Variants in PDCD4 observed in about 807,000 individuals in gnomAD.
PDCD4 encodes programmed cell death protein 4.
Under a neutral mutation model 54.0 loss-of-function variants are expected in PDCD4, and 56 were observed. The observed-to-expected ratio is 1.04, with a 90% confidence interval of 0.84 to 1.30. PDCD4 has a LOEUF of 1.30. Ranked by LOEUF, PDCD4 falls within the 50% of genes most tolerant of loss-of-function variation. PDCD4 has a pLI of 0.00. For missense variants in PDCD4, 584 were observed against 559.8 expected, an observed-to-expected ratio of 1.04 and a Z score of -0.44; for synonymous variants, 186 against 194.8, an observed-to-expected ratio of 0.95 and a Z score of 0.37.
chr10:110,896,153 G>A (rs1845829078), intron 11 of PDCD4, 66 bp downstream of exon 11: 29 of 1,232,048 alleles, frequency 2.4e-5, no homozygotes, highest in Non-Finnish European at 1.7e-5. Flanking sequence ...AAGGTTAACT[G>A]CTAAGTTAGT....
Position 110,890,658 on chromosome 10 carries a change from C to T in PDCD4, c.978C>T (p.His326=). ...GSGGGQQSVN[H]LVKEIDMLLK... Reference sequence around the variant, plus strand: ...GAGGTGGGCAGCAATCTGTCAATCACCTTGTTAAAGAGGTAATGATTGGGT... The same window carrying T: ...GAGGTGGGCAGCAATCTGTCAATCATCTTGTTAAAGAGGTAATGATTGGGT... Residue 326 remains histidine (H), a synonymous_variant, in exon 8 of 12, where the codon CAC becomes CAT. Coordinates refer to ENST00000280154, the MANE Select transcript of PDCD4 (RefSeq NM_014456.5). The T allele has an allele frequency of 6.2e-7, 1 of 1,600,214 alleles. No individual in the cohort carries two copies. The highest frequency in any genetic ancestry group is 8.6e-7 in the Non-Finnish European group (1 of 1,168,182).
At chr10:110,884,553 A>T (rs1252856879) in intron 4 of PDCD4, among the ~76,000 whole-genome samples, 1 of 150,766 alleles carries the variant, frequency 6.6e-6, no homozygotes, top group Admixed American at 6.6e-5. Context: ...TTCCTGCTTC[A>T]TTTTTTTTTA....
chr10:110,896,030 A>G lies in PDCD4; in HGVS notation c.1292A>G (p.Glu431Gly). The G allele has an allele frequency of 6.2e-7, 1 of 1,611,600 alleles. No individual in the cohort carries two copies. Among genetic ancestry groups the G allele is most frequent in the South Asian group, 1.1e-5 (1 of 90,912 alleles). ...TACTCTGTGCTGGAGCGGTTTGTAG[A>G]AGAATGTTTTCAGGCTGGAATAATT... ...HSYSVLERFV[E>G]ECFQAGIISK... The change falls in exon 11 of 12, where the codon GAA becomes GGA. Residue 431 changes from glutamate (E) to glycine (G), a missense_variant. Physicochemically the swap from Glu to Gly is moderately conservative, Grantham distance 98 (BLOSUM62 -2). Coordinates refer to ENST00000280154, the MANE Select transcript of PDCD4 (RefSeq NM_014456.5).
intron 4 of PDCD4, among the ~76,000 whole-genome samples, chr10:110,883,797 T>TA (rs1245091581): frequency 6.6e-6 from 1 of 152,204 alleles, no homozygotes; most frequent in Non-Finnish European, 1.5e-5. Context: ...AGGAAAACGT[T>TA]AAGAGTATGT....
intron 2 of PDCD4, among the ~76,000 whole-genome samples, chr10:110,879,711 A>C (rs987183235): frequency 2.6e-5 from 4 of 151,824 alleles, no homozygotes; most frequent in Admixed American, 6.6e-5. Context: ...CTTTTAAAGG[A>C]TCTTCAGTGA....
At position 110,881,290 on chromosome 10, in the gene PDCD4, A is replaced by G; in HGVS notation, c.101A>G (p.Glu34Gly). Reference sequence around the variant, plus strand: ...GGTGATGAAGAAAATGCTGGGACTGAGGAAATAAAGAATGAAATAAATGGA... The same window carrying G: ...GGTGATGAAGAAAATGCTGGGACTGGGGAAATAAAGAATGAAATAAATGGA... ...FSGDEENAGT[E>G]EIKNEINGNW... Residue 34 changes from glutamate (E) to glycine (G), a missense_variant, in exon 3 of 12, where the codon GAG becomes GGG. Coordinates refer to ENST00000280154, the MANE Select transcript of PDCD4 (RefSeq NM_014456.5). 1 of 1,613,520 alleles carries G rather than the reference A, an allele frequency of 6.2e-7. No individual in the cohort carries two copies. The highest frequency in any genetic ancestry group is 2.2e-5 in the East Asian group (1 of 44,888).
chr10:110,896,026 G>A lies in PDCD4; in HGVS notation c.1288G>A (p.Val430Ile). The A allele has an allele frequency of 6.2e-7, 1 of 1,611,208 alleles. No homozygotes were observed. Among genetic ancestry groups the A allele is most frequent in the Non-Finnish European group, 8.5e-7 (1 of 1,178,020 alleles). Reference sequence around the variant, plus strand: ...TTCATACTCTGTGCTGGAGCGGTTTGTAGAAGAATGTTTTCAGGCTGGAAT... The same window carrying A: ...TTCATACTCTGTGCTGGAGCGGTTTATAGAAGAATGTTTTCAGGCTGGAAT... ...PHSYSVLERF[V>I]EECFQAGIIS... is the part of the protein sequence containing the mutation. The change falls in exon 11 of 12, where the codon GTA (valine) becomes ATA (isoleucine). Residue 430 changes from valine to isoleucine, a missense_variant. Coordinates refer to ENST00000280154, the MANE Select transcript of PDCD4 (RefSeq NM_014456.5).
intron 5 of PDCD4, among the ~76,000 whole-genome samples, chr10:110,887,334 G>C (rs1168383104): frequency 2.0e-5 from 3 of 152,140 alleles, no homozygotes; most frequent in African/African-American, 7.2e-5. Context: ...ACTCTATAAT[G>C]ATTGCACACT....
intron 1 of PDCD4, among the ~76,000 whole-genome samples, chr10:110,872,844 G>T (rs1446943892): frequency 1.3e-5 from 2 of 152,106 alleles, no homozygotes; most frequent in Non-Finnish European, 2.9e-5. Flanking sequence ...ATGCTGTAAC[G>T]TACATGGGGT....
In PDCD4 at chr10:110,887,653, T is replaced by C. The variant is rs759922334; in HGVS notation, c.556-12T>C. 3.5e-5 allele frequency: 56 copies of C among 1,579,188 alleles called. No individual in the cohort carries two copies. Among genetic ancestry groups the C allele is most frequent in the Non-Finnish European group, 4.7e-5 (54 of 1,152,914 alleles). ...CACTTTTAAAATGTTTTTAAATTATTTTTTTGAACAGGAAATGTTAAGAGA... is the reference window on the plus strand; with the variant it reads ...CACTTTTAAAATGTTTTTAAATTATCTTTTTGAACAGGAAATGTTAAGAGA... On this transcript the variant is annotated splice_polypyrimidine_tract_variant and intron_variant, in intron 5 of 11. Coordinates refer to ENST00000280154, the MANE Select transcript of PDCD4 (RefSeq NM_014456.5).
intron 8 of PDCD4, among the ~76,000 whole-genome samples, chr10:110,892,776 A>G (rs1845775480): frequency 6.6e-6 from 1 of 152,200 alleles, no homozygotes; most frequent in South Asian, 2.1e-4. Context: ...TATAAAGTGC[A>G]TAGCCAGTGT....
At chr10:110,876,365 TA>T (rs1845505190) in intron 2 of PDCD4, among the ~76,000 whole-genome samples, 1 of 152,238 alleles carries the variant, frequency 6.6e-6, no homozygotes, top group Non-Finnish European at 1.5e-5. Flanking sequence ...CCATATTTTA[TA>T]AAAACATGAT....
rs1845887443 is a variant in PDCD4 at position 110,898,570 on chromosome 10, T to A, written c.*482T>A. 6.5e-6 allele frequency: 1 copy of A among 152,698 alleles called. No individual in the cohort carries two copies. Among genetic ancestry groups the A allele is most frequent in the Non-Finnish European group, 1.5e-5 (1 of 68,060 alleles). The allele number at this position is 152,698 out of a possible 1,614,324, so 9.5% of individuals were successfully genotyped here. The stretch of plus-strand genomic sequence containing the variant: ...TTATTTCTTTGTCTTAAAGAATTTT[T>A]AAAAAATTAGTCATGAGACTTATTC... On this transcript the variant is annotated 3_prime_UTR_variant, in exon 12 of 12. Transcript: ENST00000280154.
rs779453915 is a variant in PDCD4 at position 110,885,260 on chromosome 10, G to A, written c.449G>A (p.Cys150Tyr). The A allele has an allele frequency of 2.1e-5, 31 of 1,503,986 alleles. No individual in the cohort carries two copies. Among genetic ancestry groups the A allele is most frequent in the Non-Finnish European group, 2.8e-5 (30 of 1,084,444 alleles). 93.2% of individuals were successfully genotyped at this position (1,503,986 alleles called of 1,614,324 possible). Residue 150 changes from cysteine to tyrosine, a missense_variant, in exon 5 of 12, where the codon TGT becomes TAT. Coordinates refer to ENST00000280154, the MANE Select transcript of PDCD4 (RefSeq NM_014456.5). ...DPNYDDDQEN[C>Y]VYETVVLPLD... ...TCCCTTTTCCCCTCAAAGGAGAACT[G>A]TGTTTATGAAACTGTAGTTTTGCCT...
Position 110,894,084 on chromosome 10 carries a change from C to G in PDCD4, c.991-7C>G. 1.3e-6 allele frequency: 2 copies of G among 1,536,404 alleles called. No homozygotes were observed. The highest frequency in any genetic ancestry group is 1.8e-6 in the Non-Finnish European group (2 of 1,111,436). On this transcript the variant is annotated splice_polypyrimidine_tract_variant and splice_region_variant and intron_variant, in intron 8 of 11. Coordinates refer to ENST00000280154, the MANE Select transcript of PDCD4 (RefSeq NM_014456.5). ...TTCTGACACATCTCAACTTTTAAAT[C>G]TAATAGATTGATATGCTGCTGAAAG...
chr10:110,887,637 A>C, intron 5 of PDCD4, 28 bp from the exon 6 acceptor site: 1 of 1,531,976 alleles, frequency 6.5e-7, no homozygotes. Flanking sequence ...ACACTTTTAA[A>C]ATGTTTTTAA....
In PDCD4 at chr10:110,894,413, CTAT is replaced by C; in HGVS notation, c.1104_1106del (p.Ile369del). On this transcript the variant is annotated inframe_deletion and splice_region_variant, in exon 10 of 12. Transcript: ENST00000280154. ...TTCACTCATTGATTCAATTTTTAGG[CTAT>C]TATAATGGTTTTAGAGTCAACTGGA... 6.9e-7 allele frequency: 1 copy of C among 1,459,250 alleles called. No homozygotes were observed. The highest frequency in any genetic ancestry group is 1.4e-5 in the African/African-American group (1 of 71,696). 90.4% of individuals were successfully genotyped at this position (1,459,250 alleles called of 1,614,324 possible).
chr10:110,891,397 A>G (rs957550173), intron 8 of PDCD4, among the ~76,000 whole-genome samples: 1 of 108,814 alleles, frequency 9.2e-6, no homozygotes, highest in Non-Finnish European at 1.9e-5. Context: ...ACAGAGCAAG[A>G]CTCTGTCTCA....
At chr10:110,880,453 C>G (rs1185222468) in intron 2 of PDCD4, 1 of 152,080 alleles carries the variant, frequency 6.6e-6, no homozygotes, top group Non-Finnish European at 1.5e-5. Context: ...TCAGAAGAAT[C>G]AATTTTATAT....
Sources: allele counts gnomAD v4.1 joint callset (sites outside exome capture counted in the v4.1 genomes callset), GRCh38; gene constraint gnomAD v4.1.1; transcripts MANE v1.5; gene names NCBI Gene and HGNC (gene_info 2026-07-23, HGNC 2026-07-21).